ATXN1: variants seen among roughly 807,000 people sequenced by gnomAD.
The protein encoded by ATXN1 is ataxin 1.
ATXN1 carries 8 observed loss-of-function variants against 56.4 expected under a neutral mutation model. The ratio of observed to expected loss-of-function variants is 0.14; its 90% CI spans 0.08 to 0.26. The LOEUF (loss-of-function observed/expected upper bound fraction) is 0.26, where lower values mean the gene tolerates loss of function less well. Among genes scored for constraint, ATXN1 ranks in the 10% least tolerant of loss-of-function variants. The pLI is 1.00. For synonymous variants in ATXN1, 514 were observed against 494.6 expected, an observed-to-expected ratio of 1.04 and a Z score of -0.52; for missense variants, 987 against 1,106.5, an observed-to-expected ratio of 0.89 and a Z score of 1.53.
intron 6 of ATXN1, among the ~76,000 whole-genome samples, chr6:16,460,706 T>G (rs1175556033): frequency 6.6e-6 from 1 of 152,162 alleles, no homozygotes; most frequent in Non-Finnish European, 1.5e-5. Context: ...AGAAGTACCC[T>G]TAGCTAATCC....
At chr6:16,310,070 T>TA (rs138431014) in intron 7 of ATXN1, among the ~76,000 whole-genome samples, 27,014 of 139,262 alleles carry the variant, frequency 0.19, 2,828 homozygotes, top group Admixed American at 0.27. Flanking sequence ...GAAACTCCAT[T>TA]AAAAAAAAAA....
At chr6:16,335,946 G>T (rs1351435842) in intron 6 of ATXN1, among the ~76,000 whole-genome samples, 1 of 152,202 alleles carries the variant, frequency 6.6e-6, no homozygotes, top group Non-Finnish European at 1.5e-5. Flanking sequence ...CTTAATTTTA[G>T]ACTTCAAGCC....
chr6:16,570,739 T>C lies in ATXN1; in HGVS notation c.-361+15041A>G, dbSNP rs139592563. Among the ~76,000 whole-genome samples, 832 of 152,322 alleles carry C rather than the reference T, an allele frequency of 5.5e-3. 10 individuals are homozygous for C. The highest frequency in any genetic ancestry group is 0.019 in the African/African-American group (786 of 41,566). On this transcript the variant is annotated intron_variant, in intron 4 of 7. Transcript: ENST00000436367. ...ACCATTCCCCACGCCTAACTCTCTA[T>C]ATATTCCCCTTATTTTATTCATAAG...
chr6:16,431,687 G>A (rs957006251), intron 6 of ATXN1, among the ~76,000 whole-genome samples: 4 of 152,046 alleles, frequency 2.6e-5, no homozygotes, highest in Admixed American at 6.5e-5. Flanking sequence ...CCCCATTTAC[G>A]GGCAAGAAAC....
chr6:16,558,202 T>C (rs1351610986), intron 4 of ATXN1, among the ~76,000 whole-genome samples: 2 of 149,952 alleles, frequency 1.3e-5, no homozygotes, highest in Admixed American at 6.7e-5. Flanking sequence ...TTTAGAAGGC[T>C]AAGGCAGGAG....
intron 7 of ATXN1, among the ~76,000 whole-genome samples, chr6:16,322,058 CA>C (rs941238305): frequency 6.6e-6 from 1 of 152,010 alleles, no homozygotes; most frequent in African/African-American, 2.4e-5. Context: ...CCTGTCTCTA[CA>C]AAAAAACACA....
At position 16,327,651 on chromosome 6, in the gene ATXN1, C is replaced by A. The variant is rs879181071; in HGVS notation, c.660G>T (p.Gln220His). 3.9e-6 allele frequency: 6 copies of A among 1,545,406 alleles called. No individual in the cohort carries two copies. Among genetic ancestry groups the A allele is most frequent in the African/African-American group, 3.0e-5 (2 of 65,884 alleles). The change falls in exon 7 of 8, where the codon CAG becomes CAT. Residue 220 changes from glutamine to histidine, a missense_variant. Physicochemically the swap from Gln to His is conservative, Grantham distance 24 (BLOSUM62 0). Coordinates refer to ENST00000436367, the MANE Select transcript of ATXN1 (RefSeq NM_001128164.2). ...TGCTGAGGTGCTGCTGCTGCTGCTG[C>A]TGCTGCTGCTGCTGCTGCTGCTGCT... ...QHQQQQQQQQ[Q>H]QQQQQHLSRA...
intron 5 of ATXN1, among the ~76,000 whole-genome samples, chr6:16,496,026 A>G (rs2113668290): frequency 6.6e-6 from 1 of 152,354 alleles, no homozygotes; most frequent in African/African-American, 2.4e-5. Flanking sequence ...ATATTACGTC[A>G]ACAGCACTCA....
rs143257924 is a variant in ATXN1, at chr6:16,329,610, T to C, written c.-160-1140A>G. ...CTGAATGTTTTCTCAGTGGGTTACA[T>C]GCTTGGTTTGTCCATCTCTCTCTTC... On this transcript the variant is annotated intron_variant, in intron 6 of 7. Coordinates refer to ENST00000436367, the MANE Select transcript of ATXN1 (RefSeq NM_001128164.2). 3.6e-3 allele frequency among the ~76,000 whole-genome samples: 550 copies of C among 152,326 alleles called. 3 individuals carry two copies. The highest frequency in any genetic ancestry group is 0.012 in the African/African-American group (516 of 41,564).
At chr6:16,449,870 C>A (rs960586192) in intron 6 of ATXN1, among the ~76,000 whole-genome samples, 3 of 152,158 alleles carry the variant, frequency 2.0e-5, no homozygotes, top group African/African-American at 7.2e-5. Flanking sequence ...TACCTAACAA[C>A]AAAAGGCAAT....
intron 5 of ATXN1, among the ~76,000 whole-genome samples, chr6:16,502,187 T>C (rs1413857903): frequency 6.6e-6 from 1 of 152,250 alleles, no homozygotes; most frequent in African/African-American, 2.4e-5. Context: ...TTCAAAATCA[T>C]TCTCAGTATG....
chr6:16,646,910 G>A (rs550344325), intron 3 of ATXN1, among the ~76,000 whole-genome samples: 2 of 152,304 alleles, frequency 1.3e-5, no homozygotes, highest in East Asian at 1.9e-4. Context: ...AGTAACTAAC[G>A]AAATTCCATG....
intron 2 of ATXN1, among the ~76,000 whole-genome samples, chr6:16,703,601 C>G (rs566030273): frequency 6.6e-6 from 1 of 152,190 alleles, no homozygotes; most frequent in Non-Finnish European, 1.5e-5. Flanking sequence ...TTAATTTTAA[C>G]AATGACTATA....
At chr6:16,352,823 C>G (rs1040077246) in intron 6 of ATXN1, among the ~76,000 whole-genome samples, 2 of 152,020 alleles carry the variant, frequency 1.3e-5, no homozygotes, top group Non-Finnish European at 2.9e-5. Context: ...ACATTAGGCA[C>G]AGTATGAGAT....
chr6:16,601,008 G>T (rs998252088), intron 3 of ATXN1, among the ~76,000 whole-genome samples: 1 of 152,152 alleles, frequency 6.6e-6, no homozygotes, highest in Admixed American at 6.5e-5. Context: ...CTAGGCTAGG[G>T]GAGGTAATAA....
At chr6:16,702,611 T>C (rs1219647950) in intron 2 of ATXN1, among the ~76,000 whole-genome samples, 2 of 152,108 alleles carry the variant, frequency 1.3e-5, no homozygotes, top group East Asian at 3.8e-4. Flanking sequence ...ATATCCAGAA[T>C]CTACAAAGAA....
intron 5 of ATXN1, among the ~76,000 whole-genome samples, chr6:16,521,407 A>T (rs1761286280): frequency 6.6e-6 from 1 of 152,178 alleles, no homozygotes; most frequent in Non-Finnish European, 1.5e-5. Context: ...AAATACAAAA[A>T]ATTAGCCAGG....
chr6:16,674,776 C>T lies in ATXN1; in HGVS notation c.-614-16875G>A, dbSNP rs1479432557. The stretch of plus-strand genomic sequence containing the variant: ...AAGAGATCATTCACTGAAAGGCTGG[C>T]TCTGATGGCAAAACAGATGGTTTGG... On this transcript the variant is annotated intron_variant, in intron 2 of 7. Coordinates refer to ENST00000436367, the MANE Select transcript of ATXN1 (RefSeq NM_001128164.2). 2.0e-5 allele frequency among the ~76,000 whole-genome samples: 3 copies of T among 152,252 alleles called. No homozygotes were observed. The East Asian group carries it at 5.8e-4, about 29-fold the overall frequency.
intron 4 of ATXN1, among the ~76,000 whole-genome samples, chr6:16,540,258 C>T (rs1761686728): frequency 6.6e-6 from 1 of 151,548 alleles, no homozygotes; most frequent in African/African-American, 2.4e-5. Context: ...TGTCACCAGG[C>T]TGGAGTGCAG....
Sources: gnomAD v4.1 joint callset for allele counts (sites outside exome capture counted in the v4.1 genomes callset) on GRCh38, gnomAD v4.1.1 for gene constraint, MANE v1.5 for transcripts, NCBI Gene and HGNC (gene_info 2026-07-23, HGNC 2026-07-21) for gene names.